KCND2: variants seen among roughly 807,000 people sequenced by gnomAD.
The protein encoded by KCND2 is potassium voltage-gated channel subfamily D member 2.
In KCND2, 16 loss-of-function variants were observed where a neutral mutation model predicts 54.4. That is an observed-to-expected ratio of 0.29 (90% confidence interval 0.20 to 0.45). The LOEUF is 0.45. Among genes scored for constraint, KCND2 ranks in the 20% least tolerant of loss-of-function variants. KCND2 has a pLI of 1.00. For missense variants in KCND2, 486 were observed against 824.2 expected (o/e 0.59, Z 5.02); for synonymous variants, 317 against 310.7 (o/e 1.02, Z -0.21).
chr7:120,346,138 CT>C (rs1800312636), intron 1 of KCND2, among the ~76,000 whole-genome samples: 1 of 152,052 alleles, frequency 6.6e-6, no homozygotes, highest in Non-Finnish European at 1.5e-5. Flanking sequence ...ATTTGTATAT[CT>C]TTGTTGAAAT....
At chr7:120,557,370 G>C (rs1305866345) in intron 1 of KCND2, among the ~76,000 whole-genome samples, 1 of 152,028 alleles carries the variant, frequency 6.6e-6, no homozygotes, top group African/African-American at 2.4e-5. Flanking sequence ...TTATTGAACA[G>C]TAGCTCTTCA....
At chr7:120,543,056 G>C (rs73437881) in intron 1 of KCND2, among the ~76,000 whole-genome samples, 1,599 of 152,042 alleles carry the variant, frequency 0.011, 32 homozygotes, top group African/African-American at 0.037. Context: ...ATGTATTATA[G>C]ACATTCACTA....
intron 1 of KCND2, among the ~76,000 whole-genome samples, chr7:120,278,451 C>A (rs1226509105): frequency 6.6e-6 from 1 of 150,942 alleles, no homozygotes; most frequent in Non-Finnish European, 1.5e-5. Context: ...GCTAAATGTT[C>A]TTCAATTAGT....
At chr7:120,605,468 A>T (rs1240905960) in intron 1 of KCND2, among the ~76,000 whole-genome samples, 1 of 152,236 alleles carries the variant, frequency 6.6e-6, no homozygotes, top group African/African-American at 2.4e-5. Context: ...CTATTCATTC[A>T]TCAGTGTATA....
chr7:120,348,241 C>T (rs958033007), intron 1 of KCND2, among the ~76,000 whole-genome samples: 5 of 152,100 alleles, frequency 3.3e-5, no homozygotes, highest in African/African-American at 1.2e-4. Flanking sequence ...CACCGTTTAA[C>T]AGAATAGTTA....
chr7:120,569,130 G>A (rs1467293510), intron 1 of KCND2, among the ~76,000 whole-genome samples: 4 of 151,996 alleles, frequency 2.6e-5, no homozygotes, highest in Non-Finnish European at 4.4e-5. Flanking sequence ...ATCTTTAAAT[G>A]TACCCATACT....
chr7:120,530,107 A>T (rs1791824587), intron 1 of KCND2, among the ~76,000 whole-genome samples: 3 of 152,050 alleles, frequency 2.0e-5, no homozygotes, highest in Non-Finnish European at 4.4e-5. Flanking sequence ...AATTAATAAG[A>T]TGTACTGTTC....
chr7:120,383,699 CAT>C (rs529712700), intron 1 of KCND2, among the ~76,000 whole-genome samples: 16 of 152,196 alleles, frequency 1.1e-4, no homozygotes, highest in South Asian at 4.1e-4. Flanking sequence ...CCTCCCCACA[CAT>C]GTGTGTGAAC....
chr7:120,469,339 A>G (rs139497127), intron 1 of KCND2, among the ~76,000 whole-genome samples: 1 of 152,268 alleles, frequency 6.6e-6, no homozygotes, highest in African/African-American at 2.4e-5. Flanking sequence ...CACGAGTGGC[A>G]TATTTAAATT....
rs551459836 is a variant in KCND2, at chr7:120,446,321, G to A, written c.1115+170574G>A. On this transcript the variant is annotated intron_variant, in intron 1 of 5. Coordinates refer to ENST00000331113, the MANE Select transcript of KCND2 (RefSeq NM_012281.3). ...TTAAATAAATCATATGCATCTTAAG[G>A]GCACAGATGAATTTGATGATTCTTT... 4.6e-5 allele frequency among the ~76,000 whole-genome samples: 7 copies of A among 152,134 alleles called. No homozygotes were observed. In the East Asian group the frequency reaches 1.4e-3, roughly 29 times the overall value.
Position 120,748,254 on chromosome 7 carries a change from A to G in KCND2, c.*396A>G, listed in dbSNP as rs1793030421. The G allele has an allele frequency of 6.0e-6, 1 of 167,294 alleles. No individual in the cohort carries two copies. The highest frequency in any genetic ancestry group is 1.3e-5 in the Non-Finnish European group (1 of 77,168). 10.4% of individuals were successfully genotyped at this position (167,294 alleles called of 1,614,324 possible). On this transcript the variant is annotated 3_prime_UTR_variant, in exon 6 of 6. Transcript: ENST00000331113. ...ATTTTTTCCTGTTAAAACCATGAAC[A>G]TTGGCTATGATGAAGATTATTACAT...
chr7:120,714,892 A>C (rs952193386), intron 1 of KCND2, among the ~76,000 whole-genome samples: 5 of 152,048 alleles, frequency 3.3e-5, no homozygotes, highest in Admixed American at 6.6e-5. Flanking sequence ...CACACTTTTC[A>C]AGTTAATTAA....
At chr7:120,459,885 C>T (rs1024534962) in intron 1 of KCND2, among the ~76,000 whole-genome samples, 1 of 152,170 alleles carries the variant, frequency 6.6e-6, no homozygotes, top group African/African-American at 2.4e-5. Flanking sequence ...AAGTAAATGC[C>T]AGTGTAAAGA....
chr7:120,717,453 G>A (rs967328425), intron 1 of KCND2, among the ~76,000 whole-genome samples: 5 of 152,090 alleles, frequency 3.3e-5, no homozygotes, highest in Admixed American at 2.0e-4. Context: ...TCCATTCAAT[G>A]TTTTTGAACC....
At chr7:120,302,240 A>G (rs930814594) in intron 1 of KCND2, among the ~76,000 whole-genome samples, 2 of 152,120 alleles carry the variant, frequency 1.3e-5, no homozygotes, top group African/African-American at 4.8e-5. Context: ...TGCATGAACT[A>G]TGCACTTTAA....
At chr7:120,432,714 G>A (rs1054417532) in intron 1 of KCND2, among the ~76,000 whole-genome samples, 2 of 151,908 alleles carry the variant, frequency 1.3e-5, no homozygotes, top group South Asian at 2.1e-4. Flanking sequence ...GCACGATCTC[G>A]GCTCACTGCA....
At chr7:120,653,822 A>G (rs940902977) in intron 1 of KCND2, among the ~76,000 whole-genome samples, 1 of 152,194 alleles carries the variant, frequency 6.6e-6, no homozygotes, top group Non-Finnish European at 1.5e-5. Flanking sequence ...CTGAGAGGCC[A>G]CTGGATATAC....
chr7:120,334,106 C>T (rs952225986), intron 1 of KCND2, among the ~76,000 whole-genome samples: 5 of 152,130 alleles, frequency 3.3e-5, no homozygotes, highest in African/African-American at 1.2e-4. Context: ...ATGGACAGCT[C>T]TGTAAGAGGA....
intron 1 of KCND2, among the ~76,000 whole-genome samples, chr7:120,417,441 C>T (rs1584770238): frequency 6.6e-6 from 1 of 152,124 alleles, no homozygotes; most frequent in Non-Finnish European, 1.5e-5. Context: ...TTATTGAGAC[C>T]TTACGGCTGC....
Sources: allele counts gnomAD v4.1 joint callset (sites outside exome capture counted in the v4.1 genomes callset), GRCh38; gene constraint gnomAD v4.1.1; transcripts MANE v1.5; gene names NCBI Gene and HGNC (gene_info 2026-07-23, HGNC 2026-07-21).